The following NECAB1 variants were observed in gnomAD, a reference collection of about 807,000 sequenced individuals.
NECAB1 encodes the protein N-terminal EF-hand calcium-binding protein 1.
NECAB1 carries 29 observed loss-of-function variants against 57.5 expected under a neutral mutation model. The observed-to-expected ratio is 0.50, with a 90% CI of 0.38 to 0.69. The LOEUF is 0.69. Among genes scored for constraint, NECAB1 ranks in the 30% least tolerant of loss-of-function variants. The pLI is 0.00. For synonymous variants in NECAB1, 142 were observed against 147.7 expected (o/e 0.96, Z 0.28); for missense variants, 372 against 413.8 (o/e 0.90, Z 0.88).
intron 4 of NECAB1, 30 bp from the exon 5 acceptor site, chr8:90,881,003 T>A (rs1321331153): frequency 4.7e-6 from 7 of 1,500,000 alleles, no homozygotes. Flanking sequence ...AACTCAAATA[T>A]GAATTTATTT....
chr8:90,951,766 A>G (rs373344738), intron 12 of NECAB1, among the ~76,000 whole-genome samples: 8 of 36,286 alleles, frequency 2.2e-4, no homozygotes, highest in African/African-American at 8.2e-4. Context: ...ATTTTAGCAG[A>G]AAAAAAAAAC....
At chr8:90,866,207 T>C (rs1357499316) in intron 3 of NECAB1, among the ~76,000 whole-genome samples, 1 of 152,210 alleles carries the variant, frequency 6.6e-6, no homozygotes, top group African/African-American at 2.4e-5. Flanking sequence ...ATTATCTTTA[T>C]GAATTGAGAG....
chr8:90,951,220 T>G lies in NECAB1; in HGVS notation c.1030+16T>G. ...CTAGTTCCTGGTAATTATCCTGGGTTTACAATGCTTCTGTGTCCTTTTGTA... is the reference window on the plus strand; with the variant it reads ...CTAGTTCCTGGTAATTATCCTGGGTGTACAATGCTTCTGTGTCCTTTTGTA... On this transcript the variant is annotated intron_variant, in intron 12 of 12. Transcript: ENST00000417640. 6.9e-7 allele frequency: 1 copy of G among 1,450,950 alleles called. No individual in the cohort carries two copies. Among genetic ancestry groups the G allele is most frequent in the South Asian group, 1.2e-5 (1 of 83,836 alleles). 89.9% of individuals were successfully genotyped at this position (1,450,950 alleles called of 1,614,324 possible). A position where few individuals can be genotyped will look rare whatever the true frequency, so the allele number is the denominator to read the frequency against.
In NECAB1 at chr8:90,957,123, T is replaced by C. The variant is rs1811046718; in HGVS notation, c.*1611T>C. 6.6e-6 allele frequency: 1 copy of C among 151,950 alleles called. No homozygotes were observed. Among genetic ancestry groups the C allele is most frequent in the Non-Finnish European group, 1.5e-5 (1 of 67,914 alleles). 9.4% of individuals were successfully genotyped at this position (151,950 alleles called of 1,614,324 possible). A position where few individuals can be genotyped will look rare whatever the true frequency, so the allele number is the denominator to read the frequency against. On this transcript the variant is annotated 3_prime_UTR_variant, in exon 13 of 13. Coordinates refer to ENST00000417640, the MANE Select transcript of NECAB1 (RefSeq NM_022351.5). The stretch of plus-strand genomic sequence containing the variant: ...TGATTATTCAAACAAGCTATATATA[T>C]GTACAAAGGCAAACAGACACATAAC...
At chr8:90,907,167 A>AGG (rs1411409521) in intron 5 of NECAB1, among the ~76,000 whole-genome samples, 1 of 145,352 alleles carries the variant, frequency 6.9e-6, no homozygotes, top group African/African-American at 2.7e-5. Context: ...AGAGAGAGAG[A>AGG]GAGAGAGAGA....
Position 90,955,801 on chromosome 8 carries a change from T to C in NECAB1, c.*289T>C. 9.1e-6 allele frequency: 3 copies of C among 327,946 alleles called. No homozygotes were observed. Among genetic ancestry groups the C allele is most frequent in the Middle Eastern group, 1.7e-3 (2 of 1,186 alleles). The allele number at this position is 327,946 out of a possible 1,614,324, so 20.3% of individuals were successfully genotyped here. A position where few individuals can be genotyped will look rare whatever the true frequency, so the allele number is the denominator to read the frequency against. On this transcript the variant is annotated 3_prime_UTR_variant, in exon 13 of 13. Coordinates refer to ENST00000417640, the MANE Select transcript of NECAB1 (RefSeq NM_022351.5). ...AAATCCTAATATGTGGAAAAAAGCA[T>C]ATGCATAAAGGAATAATATTGTGAA...
intron 3 of NECAB1, among the ~76,000 whole-genome samples, chr8:90,833,040 T>C (rs1286820641): frequency 2.0e-5 from 3 of 152,190 alleles, no homozygotes; most frequent in African/African-American, 7.2e-5. Flanking sequence ...TGCCTTTTTC[T>C]CTTCTCTTTT....
At chr8:90,894,318 G>A (rs1346396325) in intron 5 of NECAB1, among the ~76,000 whole-genome samples, 1 of 152,074 alleles carries the variant, frequency 6.6e-6, no homozygotes, top group Non-Finnish European at 1.5e-5. Flanking sequence ...CTGCCTTTGA[G>A]TTCTGCATAG....
At chr8:90,842,577 C>T (rs1267444365) in intron 3 of NECAB1, among the ~76,000 whole-genome samples, 1 of 152,172 alleles carries the variant, frequency 6.6e-6, no homozygotes, top group Non-Finnish European at 1.5e-5. Context: ...AGCTTGTCTG[C>T]AGAGATCCTT....
At chr8:90,890,007 T>C (rs1199068474) in intron 5 of NECAB1, among the ~76,000 whole-genome samples, 1 of 152,128 alleles carries the variant, frequency 6.6e-6, no homozygotes, top group Non-Finnish European at 1.5e-5. Flanking sequence ...GAAGAAAATC[T>C]TTATCTGTTT....
intron 6 of NECAB1, among the ~76,000 whole-genome samples, chr8:90,917,942 G>GTA (rs1324466389): frequency 7.4e-5 from 3 of 40,414 alleles, no homozygotes; most frequent in East Asian, 3.3e-3. Context: ...GTGTATGTGT[G>GTA]TATATATATA....
chr8:90,791,784 C>G lies in NECAB1; in HGVS notation c.-103C>G. ...CGCGGGAGCGAACACCCTCCCGGATCCAGAGCCCGGCGGCGGCGAAGCAGC... is the reference window on the plus strand; with the variant it reads ...CGCGGGAGCGAACACCCTCCCGGATGCAGAGCCCGGCGGCGGCGAAGCAGC... On this transcript the variant is annotated 5_prime_UTR_variant, in exon 1 of 13. In the 5' UTR this introduces an upstream ATG that the reference lacks. Coordinates refer to ENST00000417640, the MANE Select transcript of NECAB1 (RefSeq NM_022351.5). 1 of 888,426 alleles carries G rather than the reference C, an allele frequency of 1.1e-6. No homozygotes were observed. Among genetic ancestry groups the G allele is most frequent in the Non-Finnish European group, 1.7e-6 (1 of 578,236 alleles). The allele number at this position is 888,426 out of a possible 1,614,324, so 55.0% of individuals were successfully genotyped here.
chr8:90,871,562 C>G (rs1176922063), intron 3 of NECAB1, among the ~76,000 whole-genome samples: 1 of 152,064 alleles, frequency 6.6e-6, no homozygotes, highest in African/African-American at 2.4e-5. Context: ...ATGAAATAAG[C>G]ATTGAATCAA....
chr8:90,918,938 A>G (rs1810040876), intron 6 of NECAB1, among the ~76,000 whole-genome samples: 1 of 152,212 alleles, frequency 6.6e-6, no homozygotes, highest in Admixed American at 6.5e-5. Context: ...AAAGACCCTT[A>G]CAGACTACAT....
Position 90,881,083 on chromosome 8 carries a change from G to C in NECAB1, c.310G>C (p.Glu104Gln). ...GEYENVLAAL[E>Q]DLNLSILKAM... ...GTATGAGAATGTACTAGCAGCACTT[G>C]AAGACCTGAATCTTTCCATCCTGAA... Residue 104 changes from glutamate (E) to glutamine (Q), a missense_variant, in exon 5 of 13, where the codon GAA becomes CAA. By Grantham distance (29) the Glu-to-Gln change is conservative. Coordinates refer to ENST00000417640, the MANE Select transcript of NECAB1 (RefSeq NM_022351.5). 1 of 1,608,040 alleles carries C rather than the reference G, an allele frequency of 6.2e-7. No individual in the cohort carries two copies. Among genetic ancestry groups the C allele is most frequent in the Non-Finnish European group, 8.5e-7 (1 of 1,177,084 alleles).
chr8:90,867,509 T>C (rs1808540356), intron 3 of NECAB1, among the ~76,000 whole-genome samples: 1 of 152,198 alleles, frequency 6.6e-6, no homozygotes, highest in Non-Finnish European at 1.5e-5. Context: ...TCAAGTTTTG[T>C]TGGTTTTTAC....
At chr8:90,811,989 G>A (rs1004542693) in intron 2 of NECAB1, among the ~76,000 whole-genome samples, 1 of 152,170 alleles carries the variant, frequency 6.6e-6, no homozygotes, top group Non-Finnish European at 1.5e-5. Context: ...ACCTCAAATA[G>A]AGTTGGAGAG....
At chr8:90,892,134 G>C (rs1809195612) in intron 5 of NECAB1, among the ~76,000 whole-genome samples, 1 of 152,132 alleles carries the variant, frequency 6.6e-6, no homozygotes, top group Non-Finnish European at 1.5e-5. Flanking sequence ...ATTTTTCCTG[G>C]TTTTCTCAGG....
chr8:90,923,507 G>T (rs1392133508), intron 6 of NECAB1, among the ~76,000 whole-genome samples: 1 of 152,250 alleles, frequency 6.6e-6, no homozygotes, highest in African/African-American at 2.4e-5. Context: ...GTACAGTGAA[G>T]ACTGCAAGTT....
Sources: allele counts gnomAD v4.1 joint callset (sites outside exome capture counted in the v4.1 genomes callset), GRCh38; gene constraint gnomAD v4.1.1; transcripts MANE v1.5; gene names NCBI Gene and HGNC (gene_info 2026-07-23, HGNC 2026-07-21).